The following ANK1 variants were observed in gnomAD, a reference collection of about 807,000 sequenced individuals.
ANK1 encodes the protein ankyrin 1.
A neutral mutation model predicts 210.4 loss-of-function variants in ANK1; 51 were observed. That is an observed-to-expected ratio of 0.24 (90% CI 0.19 to 0.31). The LOEUF is 0.31. ANK1 is among the 10% of genes least tolerant of loss of function. The pLI is 1.00. For missense variants in ANK1, 2,051 were observed against 2,504.4 expected (o/e 0.82, Z 3.86); for synonymous variants, 967 against 1,025.9 (o/e 0.94, Z 1.10).
At chr8:41,881,996 G>A (rs1242531367) in intron 1 of ANK1, among the ~76,000 whole-genome samples, 2 of 152,116 alleles carry the variant, frequency 1.3e-5, no homozygotes, top group Admixed American at 1.3e-4. Context: ...AAAATGACAT[G>A]AATTTCAAAC....
intron 1 of ANK1, chr8:41,839,965 A>T (rs1808547031): frequency 6.6e-6 from 1 of 152,206 alleles, no homozygotes; most frequent in Non-Finnish European, 1.5e-5. Context: ...GAAACTGTGC[A>T]TGGGGCTTAT....
chr8:41,807,021 A>T (rs527646532), intron 1 of ANK1, among the ~76,000 whole-genome samples: 5 of 152,372 alleles, frequency 3.3e-5, no homozygotes, highest in African/African-American at 1.2e-4. Context: ...ATTAACATTT[A>T]TTAAAATTTA....
rs376036574 is a variant in ANK1 at position 41,654,262 on chromosome 8, C to G, written c.*1528G>C. 6 of 152,804 alleles carry G rather than the reference C, an allele frequency of 3.9e-5. No homozygotes were observed. In the East Asian group the frequency reaches 9.7e-4, roughly 25 times the overall value. The allele number at this position is 152,804 out of a possible 1,614,324, so 9.5% of individuals were successfully genotyped here. A position where few individuals can be genotyped will look rare whatever the true frequency, so the allele number is the denominator to read the frequency against. Reference sequence around the variant, plus strand: ...ACTTAAGGCTCCTCCCTGATGGCACCGAGGCGAGGAACTGCCAGCTGTCTG... The same window carrying G: ...ACTTAAGGCTCCTCCCTGATGGCACGGAGGCGAGGAACTGCCAGCTGTCTG... On this transcript the variant is annotated 3_prime_UTR_variant, in exon 43 of 43. Transcript: ENST00000289734.
intron 1 of ANK1, among the ~76,000 whole-genome samples, chr8:41,816,914 T>C (rs1309957688): frequency 1.3e-5 from 2 of 152,166 alleles, no homozygotes; most frequent in Admixed American, 1.3e-4. Flanking sequence ...TAGACATACA[T>C]AACCATATAG....
intron 40 of ANK1, among the ~76,000 whole-genome samples, chr8:41,662,270 C>T (rs1164302584): frequency 6.7e-6 from 1 of 149,946 alleles, no homozygotes; most frequent in South Asian, 2.1e-4. Flanking sequence ...AAAAAAAAGG[C>T]GGGGGGGCTG....
chr8:41,709,179 C>G (rs1825499095), intron 16 of ANK1, among the ~76,000 whole-genome samples: 1 of 152,166 alleles, frequency 6.6e-6, no homozygotes, highest in Non-Finnish European at 1.5e-5. Flanking sequence ...TGCATAGCCT[C>G]TATATGTCCA....
chr8:41,699,496 A>C lies in ANK1; in HGVS notation c.2514T>G (p.Asp838Glu). The C allele has an allele frequency of 6.2e-7, 1 of 1,614,088 alleles. No individual in the cohort carries two copies. The highest frequency in any genetic ancestry group is 2.2e-5 in the East Asian group (1 of 44,844). ...CAAAATCCAGCAGCTCCTTCTCTTC[A>C]TCAACATCCCTGGAATCCCGCCTCT... is the stretch of plus-strand genomic sequence containing the variant. ...KAERRDSRDVDEEKELLDFVP... is the reference protein window; with the variant it reads ...KAERRDSRDVEEEKELLDFVP... Residue 838 changes from aspartate to glutamate, a missense_variant, in exon 23 of 43, where the codon GAT (aspartate) becomes GAG (glutamate). By Grantham distance (45) the Asp-to-Glu change is conservative. Coordinates refer to ENST00000289734, the MANE Select transcript of ANK1 (RefSeq NM_000037.4).
chr8:41,809,128 G>C (rs1802081082), intron 1 of ANK1, among the ~76,000 whole-genome samples: 1 of 152,182 alleles, frequency 6.6e-6, no homozygotes, highest in African/African-American at 2.4e-5. Context: ...TCCTTAACTG[G>C]GGAGTCGTTC....
intron 2 of ANK1, among the ~76,000 whole-genome samples, chr8:41,753,454 G>T (rs1838293604): frequency 6.6e-6 from 1 of 152,056 alleles, no homozygotes; most frequent in South Asian, 2.1e-4. Context: ...CAACTACGGG[G>T]TTAACATCTG....
At chr8:41,728,091 T>C in intron 3 of ANK1, 85 bp from the exon 4 acceptor site, 1 of 1,382,612 alleles carries the variant, frequency 7.2e-7, no homozygotes, top group Non-Finnish European at 1.0e-6. Context: ...CAGGTGCTGC[T>C]TGAGGGACCC....
At chr8:41,752,035 T>G (rs1019552555) in intron 2 of ANK1, among the ~76,000 whole-genome samples, 13 of 152,084 alleles carry the variant, frequency 8.5e-5, no homozygotes, top group Non-Finnish European at 1.5e-4. Context: ...TGTTTCCTGC[T>G]CTCCCAAGAA....
chr8:41,725,653 G>C (rs1280554960), intron 6 of ANK1, 108 bp downstream of exon 6: 2 of 1,457,536 alleles, frequency 1.4e-6, no homozygotes, highest in African/African-American at 2.8e-5. Context: ...CGCACTGCCC[G>C]CCCTGCACGC....
intron 1 of ANK1, among the ~76,000 whole-genome samples, chr8:41,777,643 T>A (rs1168527025): frequency 6.6e-6 from 1 of 152,188 alleles, no homozygotes; most frequent in African/African-American, 2.4e-5. Flanking sequence ...AACAATGTTA[T>A]GGTTGTGTTG....
At chr8:41,886,620 A>G (rs16890908) in intron 1 of ANK1, among the ~76,000 whole-genome samples, 2,325 of 152,346 alleles carry the variant, frequency 0.015, 55 homozygotes, top group African/African-American at 0.052. Context: ...AGGACTTGAC[A>G]TTGATGTTGG....
intron 1 of ANK1, among the ~76,000 whole-genome samples, chr8:41,759,990 T>C (rs1190387032): frequency 6.6e-6 from 1 of 152,134 alleles, no homozygotes; most frequent in Non-Finnish European, 1.5e-5. Context: ...CAGCTCGGTC[T>C]CAGCTTTAAC....
At chr8:41,734,936 C>T (rs907908349) in intron 2 of ANK1, among the ~76,000 whole-genome samples, 1 of 152,156 alleles carries the variant, frequency 6.6e-6, no homozygotes, top group Admixed American at 6.5e-5. Flanking sequence ...CCTTTGCCAT[C>T]CCACCATTTC....
intron 5 of ANK1, among the ~76,000 whole-genome samples, chr8:41,726,616 G>T (rs914194991): frequency 1.3e-5 from 2 of 152,074 alleles, no homozygotes; most frequent in African/African-American, 4.8e-5. Context: ...TGAATTCCTG[G>T]CCTCAAGTGA....
chr8:41,748,600 G>T (rs1467908100), intron 2 of ANK1, among the ~76,000 whole-genome samples: 1 of 152,070 alleles, frequency 6.6e-6, no homozygotes, highest in East Asian at 1.9e-4. Context: ...TCGGAGACTT[G>T]TATCCTTCCT....
rs13262049 is a variant in ANK1, at chr8:41,733,339, G to A, written c.228+632C>T. On this transcript the variant is annotated intron_variant, in intron 3 of 42. Coordinates refer to ENST00000289734, the MANE Select transcript of ANK1 (RefSeq NM_000037.4). ...GAAGACTTGCTGGAGAAGGAGAAATGAAAGAAATCTGGATTCTTCTCTACA... is the reference window on the plus strand; with the variant it reads ...GAAGACTTGCTGGAGAAGGAGAAATAAAAGAAATCTGGATTCTTCTCTACA... Among the ~76,000 whole-genome samples, 795 of 152,294 alleles carry A rather than the reference G, an allele frequency of 5.2e-3. 7 individuals carry two copies. The highest frequency in any genetic ancestry group is 0.012 in the Admixed American group (189 of 15,294).
Sources: gnomAD v4.1 joint callset for allele counts (sites outside exome capture counted in the v4.1 genomes callset) on GRCh38, gnomAD v4.1.1 for gene constraint, MANE v1.5 for transcripts, NCBI Gene and HGNC (gene_info 2026-07-23, HGNC 2026-07-21) for gene names.